TINAGL1: variants seen among roughly 807,000 people sequenced by gnomAD.
TINAGL1 encodes tubulointerstitial nephritis antigen like 1, also known as tubulointerstitial nephritis antigen-like.
Under a neutral mutation model 62.0 loss-of-function variants are expected in TINAGL1, and 34 were observed. That is an observed-to-expected ratio of 0.55 (90% CI 0.42 to 0.73). The LOEUF (loss-of-function observed/expected upper bound fraction) is 0.73, where lower values mean the gene tolerates loss of function less well. Ranked by LOEUF, TINAGL1 falls within the 30% of genes least tolerant of loss-of-function variation. The pLI, the probability that TINAGL1 is intolerant of heterozygous loss-of-function variation, is 0.00. For synonymous variants in TINAGL1, 221 were observed against 249.7 expected, an observed-to-expected ratio of 0.88 and a Z score of 1.08; for missense variants, 516 against 653.2, an observed-to-expected ratio of 0.79 and a Z score of 2.29.
In TINAGL1 at chr1:31,586,985, C is replaced by T. The variant is rs372249964; in HGVS notation, c.*6C>T. 3.4e-6 allele frequency: 5 copies of T among 1,474,080 alleles called. No individual in the cohort carries two copies. In the African/African-American group the frequency reaches 4.3e-5, roughly 13 times the overall value. The allele number at this position is 1,474,080 out of a possible 1,614,324, so 91.3% of individuals were successfully genotyped here. On this transcript the variant is annotated 3_prime_UTR_variant, in exon 12 of 12. Transcript: ENST00000271064. ...AGGACATGGGTCATCACTGAGGCTG[C>T]GGGCACCACGCGGGGTCCGGCCTGG...
rs1639434607 is a variant in TINAGL1 at position 31,587,640 on chromosome 1, T to C, written c.*661T>C. The C allele has an allele frequency of 6.6e-6, 1 of 152,214 alleles. No homozygotes were observed. The highest frequency in any genetic ancestry group is 1.5e-5 in the Non-Finnish European group (1 of 68,048). The allele number at this position is 152,214 out of a possible 1,614,324, so 9.4% of individuals were successfully genotyped here. ...GCCCTGTATTCTTATTCTTCAGATA[T>C]TTATTTTTCTTTTCACTGTTTTAAA... is the stretch of plus-strand genomic sequence containing the variant. On this transcript the variant is annotated 3_prime_UTR_variant, in exon 12 of 12. Transcript: ENST00000271064.
intron 3 of TINAGL1, chr1:31,580,203 CTCTCTCTCTGTCTCTCTCTCTCTG>C (rs1639195363): frequency 4.6e-5 from 20 of 434,398 alleles, no homozygotes; most frequent in Admixed American, 1.9e-4. Flanking sequence ...CTCTCTCTCT[CTCTCTCTCTGTCTCTCTCTCTCTG>C]TCTCTCTCTG....
At position 31,586,895 on chromosome 1, in the gene TINAGL1, G is replaced by A. The variant is rs756214078; in HGVS notation, c.1320G>A (p.Val440=). Residue 440 remains valine, a synonymous_variant, in exon 12 of 12, where the codon GTG becomes GTA. Coordinates refer to ENST00000271064, the MANE Select transcript of TINAGL1 (RefSeq NM_022164.3). The stretch of plus-strand genomic sequence containing the variant: ...GCGAGAGGGGCCACTTCCGCATCGT[G>A]CGCGGCGTCAATGAGTGCGACATCG... The part of the protein sequence containing the change: ...AWGERGHFRI[V]RGVNECDIES... 1.3e-6 allele frequency: 2 copies of A among 1,549,026 alleles called. No homozygotes were observed. The highest frequency in any genetic ancestry group is 4.1e-5 in the Admixed American group (2 of 49,300).
chr1:31,580,207 CTCTCTG>C lies in TINAGL1; in HGVS notation c.374+946_374+951del, dbSNP rs1273206208. On this transcript the variant is annotated intron_variant, in intron 3 of 11. Transcript: ENST00000271064. ...TCTCTCTCTCTCTCTCTCTCTCTCT[CTCTCTG>C]TCTCTCTCTCTCTGTCTCTCTCTGT... The C allele has an allele frequency of 8.2e-5, 43 of 523,002 alleles. 1 individual carries two copies. Among genetic ancestry groups the C allele is most frequent in the African/African-American group, 1.7e-4 (5 of 30,128 alleles). 32.4% of individuals were successfully genotyped at this position (523,002 alleles called of 1,614,324 possible).
chr1:31,583,251 C>T lies in TINAGL1; in HGVS notation c.467+10C>T. On this transcript the variant is annotated intron_variant, in intron 4 of 11. Coordinates refer to ENST00000271064, the MANE Select transcript of TINAGL1 (RefSeq NM_022164.3). This position sits in a 1 kb window ranked among gnomAD's most constrained non-coding sequence, Gnocchi z 4.4. ...ACCAGGGCAACTATGGGTGAGAGGC[C>T]CTAGAGGCACCCTCAGTGGGCACAC... The T allele has an allele frequency of 1.2e-6, 2 of 1,613,546 alleles. No homozygotes were observed. Among genetic ancestry groups the T allele is most frequent in the East Asian group, 2.2e-5 (1 of 44,882 alleles).
intron 2 of TINAGL1, among the ~76,000 whole-genome samples, chr1:31,578,737 GTGA>G (rs995828719): frequency 1.4e-5 from 2 of 143,652 alleles, no homozygotes; most frequent in Non-Finnish European, 3.0e-5. Flanking sequence ...GTGTGTGTGT[GTGA>G]TGTCTTCAGT....
intron 3 of TINAGL1, chr1:31,580,175 C>A (rs1439445302): frequency 3.0e-6 from 1 of 328,230 alleles, no homozygotes; most frequent in Non-Finnish European, 4.6e-6. Context: ...CTCTCTCTCT[C>A]TCTCTCTCTC....
intron 3 of TINAGL1, among the ~76,000 whole-genome samples, chr1:31,582,285 A>T (rs1187939256): frequency 2.0e-5 from 3 of 151,576 alleles, no homozygotes; most frequent in African/African-American, 7.3e-5. Context: ...CCGAGATCAC[A>T]CCACTGCATT....
intron 10 of TINAGL1, 107 bp from the exon 11 acceptor site, chr1:31,586,603 C>A: frequency 7.4e-7 from 1 of 1,347,338 alleles, no homozygotes; most frequent in South Asian, 1.3e-5. Flanking sequence ...AGGGTGTACC[C>A]AACCCTCCAA....
rs1423805801 is a variant in TINAGL1 at position 31,587,454 on chromosome 1, G to A, written c.*475G>A. 1 of 152,462 alleles carries A rather than the reference G, an allele frequency of 6.6e-6. No individual in the cohort carries two copies. The highest frequency in any genetic ancestry group is 6.6e-5 in the Admixed American group (1 of 15,236). The allele number at this position is 152,462 out of a possible 1,614,324, so 9.4% of individuals were successfully genotyped here. ...CCACCTCAGCCTCTCAAGTAGCTGGGACTACAGGTGCACCACCACACCTGG... is the reference window on the plus strand; with the variant it reads ...CCACCTCAGCCTCTCAAGTAGCTGGAACTACAGGTGCACCACCACACCTGG... On this transcript the variant is annotated 3_prime_UTR_variant, in exon 12 of 12. Coordinates refer to ENST00000271064, the MANE Select transcript of TINAGL1 (RefSeq NM_022164.3).
At chr1:31,579,327 T>C in intron 3 of TINAGL1, 60 bp downstream of exon 3, 1 of 1,477,274 alleles carries the variant, frequency 6.8e-7, no homozygotes, top group Non-Finnish European at 9.5e-7. Flanking sequence ...CAGACTTGGT[T>C]CAAATCTTAT....
At position 31,586,965 on chromosome 1, in the gene TINAGL1, A is replaced by G. The variant is rs759862508; in HGVS notation, c.1390A>G (p.Met464Val). ...CTGGGGCCGCGTGGGCATGGAGGAC[A>G]TGGGTCATCACTGAGGCTGCGGGCA... is the stretch of plus-strand genomic sequence containing the variant. The part of the protein sequence containing the change: ...GVWGRVGMED[M>V]GHH The change falls in exon 12 of 12, where the codon ATG (methionine) becomes GTG (valine). Residue 464 changes from methionine to valine, a missense_variant. Coordinates refer to ENST00000271064, the MANE Select transcript of TINAGL1 (RefSeq NM_022164.3). The G allele has an allele frequency of 2.6e-5, 39 of 1,521,132 alleles. 1 individual carries two copies. The Admixed American group carries it at 5.0e-4, about 19-fold the overall frequency. The allele number at this position is 1,521,132 out of a possible 1,614,324, so 94.2% of individuals were successfully genotyped here. A position where few individuals can be genotyped will look rare whatever the true frequency, so the allele number is the denominator to read the frequency against.
At position 31,584,457 on chromosome 1, in the gene TINAGL1, A is replaced by C. The variant is rs921752044; in HGVS notation, c.583-221A>C. Reference sequence around the variant, plus strand: ...GGAAGCAGGACTAGTCACCACCGCCACCCCGCCCCGCCCCACCACCTGATA... The same window carrying C: ...GGAAGCAGGACTAGTCACCACCGCCCCCCCGCCCCGCCCCACCACCTGATA... On this transcript the variant is annotated intron_variant, in intron 5 of 11. Transcript: ENST00000271064. This position sits in a 1 kb window ranked among gnomAD's most constrained non-coding sequence, Gnocchi z 4.0. 1.7e-4 allele frequency: 92 copies of C among 537,756 alleles called. No homozygotes were observed. Among genetic ancestry groups the C allele is most frequent in the Middle Eastern group, 5.6e-4 (1 of 1,782 alleles). The allele number at this position is 537,756 out of a possible 1,614,324, so 33.3% of individuals were successfully genotyped here.
At chr1:31,580,479 G>A in intron 3 of TINAGL1, 1 of 1,289,306 alleles carries the variant, frequency 7.8e-7, no homozygotes, top group Non-Finnish European at 1.0e-6. Flanking sequence ...CCAGAGTCTA[G>A]TCGGGTGCTG....
intron 3 of TINAGL1, among the ~76,000 whole-genome samples, chr1:31,582,851 T>G (rs75373106): frequency 0.061 from 9,005 of 146,996 alleles, 787 homozygotes; most frequent in African/African-American, 0.2. Flanking sequence ...GTAGGGGGAA[T>G]AAGTGAGGGG....
At position 31,583,284 on chromosome 1, in the gene TINAGL1, C is replaced by T; in HGVS notation, c.467+43C>T. ...CACCCTCAGTGGGCACACATGCATA[C>T]TCATGCATGTATACACGCATGCTGT... is the stretch of plus-strand genomic sequence containing the variant. On this transcript the variant is annotated intron_variant, in intron 4 of 11. Coordinates refer to ENST00000271064, the MANE Select transcript of TINAGL1 (RefSeq NM_022164.3). This position sits in a 1 kb window ranked among gnomAD's most constrained non-coding sequence, Gnocchi z 4.4. 1.9e-6 allele frequency: 3 copies of T among 1,538,486 alleles called. No individual in the cohort carries two copies. The highest frequency in any genetic ancestry group is 2.7e-6 in the Non-Finnish European group (3 of 1,111,246).
Position 31,577,454 on chromosome 1 carries a change from C to T in TINAGL1, c.306C>T (p.Ile102=), listed in dbSNP as rs751622778. The T allele has an allele frequency of 1.2e-6, 2 of 1,606,902 alleles. No homozygotes were observed. The highest frequency in any genetic ancestry group is 2.7e-5 in the African/African-American group (2 of 74,856). ...GCGTGCCACCCCCTTTTCCCCCGAT[C>T]CAAGGTGGGCACTAAGATGGCCAGG... The part of the protein sequence containing the change: ...CLGVPPPFPP[I]QGCMHGGRIY... The change falls in exon 2 of 12, where the codon ATC becomes ATT. Residue 102 remains isoleucine (I), a synonymous_variant. Transcript: ENST00000271064. The surrounding 1 kb of genome is among the most constrained non-coding windows in gnomAD (Gnocchi z 5.4).
At position 31,585,680 on chromosome 1, in the gene TINAGL1, C is replaced by T. The variant is rs1432300973; in HGVS notation, c.1094-73C>T. On this transcript the variant is annotated intron_variant, in intron 9 of 11. Transcript: ENST00000271064. The surrounding 1 kb of genome is among the most constrained non-coding windows in gnomAD (Gnocchi z 4.3). ...ATGGAGGGACCCTGGTGCCTGGGCACATCTCAATAGACTCAGGCTCCAGTG... is the reference window on the plus strand; with the variant it reads ...ATGGAGGGACCCTGGTGCCTGGGCATATCTCAATAGACTCAGGCTCCAGTG... 1.3e-6 allele frequency: 2 copies of T among 1,565,518 alleles called. No individual in the cohort carries two copies. Among genetic ancestry groups the T allele is most frequent in the Non-Finnish European group, 1.7e-6 (2 of 1,154,702 alleles).
At chr1:31,580,289 C>A in intron 3 of TINAGL1, 1 of 1,233,240 alleles carries the variant, frequency 8.1e-7, no homozygotes. Flanking sequence ...GCCCCTTAGG[C>A]CCCCTCTGGA....
Sources: gnomAD v4.1 joint callset for allele counts (sites outside exome capture counted in the v4.1 genomes callset) on GRCh38, gnomAD v4.1.1 for gene constraint, Gnocchi (gnomAD v3.1) non-coding constraint, MANE v1.5 for transcripts, NCBI Gene and HGNC (gene_info 2026-07-23, HGNC 2026-07-21) for gene names.